Variants in SDK1 observed in about 807,000 individuals in gnomAD.
SDK1 encodes the protein sidekick cell adhesion molecule 1.
A neutral mutation model predicts 245.5 loss-of-function variants in SDK1; 157 were observed. The observed-to-expected ratio is 0.64, with a 90% confidence interval of 0.56 to 0.73. SDK1 has a LOEUF of 0.73. Among genes scored for constraint, SDK1 ranks in the 30% least tolerant of loss-of-function variants. The pLI, the probability that SDK1 is intolerant of heterozygous loss-of-function variation, is 0.00. For missense variants in SDK1, 3,583 were observed against 3,002.3 expected (o/e 1.19, Z -4.52); for synonymous variants, 1,647 against 1,278.5 (o/e 1.29, Z -6.15).
At chr7:3,357,328 GTTTTTTTTTTTTTTTTTTTTTTTTTTTT>G (rs560124026) in intron 1 of SDK1, among the ~76,000 whole-genome samples, 1 of 52,904 alleles carries the variant, frequency 1.9e-5, no homozygotes, top group African/African-American at 7.3e-5. Context: ...TTCTTTTAGT[GTTTTTTTTTTTTTTTTTTTTTTTTTTTT>G]TTTTTTTTTT....
intron 1 of SDK1, among the ~76,000 whole-genome samples, chr7:3,553,674 C>T (rs1779488935): frequency 6.6e-6 from 1 of 152,114 alleles, no homozygotes; most frequent in African/African-American, 2.4e-5. Flanking sequence ...TGTGTGATAC[C>T]TGGGCTTCTG....
chr7:3,421,353 GGTGCAAGC>G (rs1779529829), intron 1 of SDK1, among the ~76,000 whole-genome samples: 1 of 151,998 alleles, frequency 6.6e-6, no homozygotes, highest in African/African-American at 2.4e-5. Flanking sequence ...TGGGATTACA[GGTGCAAGC>G]CACCGAGCCT....
intron 1 of SDK1, among the ~76,000 whole-genome samples, chr7:3,536,975 A>G (rs1002942329): frequency 6.6e-6 from 1 of 152,036 alleles, no homozygotes; most frequent in Non-Finnish European, 1.5e-5. Flanking sequence ...TTTTTCTTCA[A>G]TCTCTCTATT....
Position 4,145,721 on chromosome 7 carries a change from G to A in SDK1, c.4229-1G>A, listed in dbSNP as rs774457305. On this transcript the variant is annotated splice_acceptor_variant, in intron 28 of 44. Coordinates refer to ENST00000404826, the MANE Select transcript of SDK1 (RefSeq NM_152744.4). LOFTEE classifies it high-confidence loss of function. ...CTGTCTCCCATGTCACCTGCCTGCA[G>A]GGTACCAGATTGCCTACCGCCTGGC... 3 of 1,600,182 alleles carry A rather than the reference G, an allele frequency of 1.9e-6. No individual in the cohort carries two copies. In the Admixed American group the frequency reaches 5.1e-5, roughly 27 times the overall value.
At chr7:3,310,040 T>C (rs1397931665) in intron 1 of SDK1, among the ~76,000 whole-genome samples, 3 of 152,212 alleles carry the variant, frequency 2.0e-5, no homozygotes, top group Non-Finnish European at 2.9e-5. Flanking sequence ...CACTTCCACC[T>C]AGGGAATAAC....
intron 34 of SDK1, among the ~76,000 whole-genome samples, chr7:4,177,395 C>A (rs977882232): frequency 4.6e-5 from 7 of 152,240 alleles, no homozygotes; most frequent in African/African-American, 1.7e-4. Flanking sequence ...TATTCTCACC[C>A]TGTCACTTAG....
chr7:3,980,591 G>A (rs979329008), intron 13 of SDK1, among the ~76,000 whole-genome samples: 1 of 152,196 alleles, frequency 6.6e-6, no homozygotes, highest in Non-Finnish European at 1.5e-5. Context: ...ATCTGTTATT[G>A]ATGGGTTAGT....
At chr7:4,237,618 G>C in intron 41 of SDK1, 29 bp from the exon 42 acceptor site, 1 of 1,614,036 alleles carries the variant, frequency 6.2e-7, no homozygotes, top group Non-Finnish European at 8.5e-7. Context: ...TCTGCCCCAT[G>C]TCATTGTGTG....
Position 3,557,627 on chromosome 7 carries a change from G to T in SDK1, c.299-61453G>T, listed in dbSNP as rs1047663410. Among the ~76,000 whole-genome samples, 3 of 152,204 alleles carry T rather than the reference G, an allele frequency of 2.0e-5. No homozygotes were observed. The East Asian group carries it at 5.8e-4, about 29-fold the overall frequency. On this transcript the variant is annotated intron_variant, in intron 1 of 44. Coordinates refer to ENST00000404826, the MANE Select transcript of SDK1 (RefSeq NM_152744.4). Reference sequence around the variant, plus strand: ...ATAATTGGATTATATCCATGTCAAAGAAATCCTGGTCCCAGCATTGTACTA... The same window carrying T: ...ATAATTGGATTATATCCATGTCAAATAAATCCTGGTCCCAGCATTGTACTA...
chr7:3,740,444 A>C (rs1014272406), intron 4 of SDK1, among the ~76,000 whole-genome samples: 1 of 152,160 alleles, frequency 6.6e-6, no homozygotes, highest in African/African-American at 2.4e-5. Context: ...GATATTGAGC[A>C]TGTGTCACAG....
chr7:3,873,280 A>C (rs574513243), intron 5 of SDK1, among the ~76,000 whole-genome samples: 1 of 152,204 alleles, frequency 6.6e-6, no homozygotes, highest in African/African-American at 2.4e-5. Context: ...TCTTGTTTGC[A>C]TGAGTTCTGC....
At chr7:3,596,598 G>T (rs1781075936) in intron 1 of SDK1, among the ~76,000 whole-genome samples, 1 of 152,080 alleles carries the variant, frequency 6.6e-6, no homozygotes, top group East Asian at 1.9e-4. Flanking sequence ...GTTCCCTCAG[G>T]CCCTTCCAAT....
At chr7:3,404,332 T>C (rs940999816) in intron 1 of SDK1, among the ~76,000 whole-genome samples, 1 of 152,216 alleles carries the variant, frequency 6.6e-6, no homozygotes, top group Non-Finnish European at 1.5e-5. Context: ...CTGCAAACAG[T>C]AGATTTCTTC....
At chr7:3,906,380 G>C (rs908144259) in intron 5 of SDK1, among the ~76,000 whole-genome samples, 4 of 147,560 alleles carry the variant, frequency 2.7e-5, no homozygotes, top group African/African-American at 5.4e-5. Context: ...GGCTGTATGC[G>C]TATGTGTGTG....
chr7:4,257,474 T>A (rs1787705514), intron 44 of SDK1, among the ~76,000 whole-genome samples: 1 of 152,186 alleles, frequency 6.6e-6, no homozygotes, highest in Admixed American at 6.5e-5. Flanking sequence ...AATAATGTCA[T>A]ATAAATAATA....
chr7:3,825,371 T>C (rs1779746684), intron 5 of SDK1, among the ~76,000 whole-genome samples: 1 of 148,998 alleles, frequency 6.7e-6, no homozygotes, highest in Non-Finnish European at 1.5e-5. Context: ...TTCTATACAG[T>C]GGTTAATCAG....
intron 22 of SDK1, among the ~76,000 whole-genome samples, chr7:4,092,161 C>T (rs10267261): frequency 0.027 from 4,105 of 152,284 alleles, 168 homozygotes; most frequent in African/African-American, 0.084. Flanking sequence ...GCCTGTCTCA[C>T]GGGTGATTGA....
At chr7:4,262,627 C>T (rs1163118631) in intron 44 of SDK1, among the ~76,000 whole-genome samples, 1 of 150,924 alleles carries the variant, frequency 6.6e-6, no homozygotes, top group African/African-American at 2.4e-5. Context: ...CCCCTCCCCA[C>T]CCTCGGAGGT....
intron 41 of SDK1, among the ~76,000 whole-genome samples, chr7:4,236,793 G>A (rs947828624): frequency 1.3e-5 from 2 of 152,260 alleles, no homozygotes; most frequent in East Asian, 1.9e-4. Context: ...GGTGGTGACG[G>A]AGAAGGCAGG....
Sources: gnomAD v4.1 joint callset for allele counts (sites outside exome capture counted in the v4.1 genomes callset) on GRCh38, gnomAD v4.1.1 for gene constraint, MANE v1.5 for transcripts, NCBI Gene and HGNC (gene_info 2026-07-23, HGNC 2026-07-21) for gene names.